SNX29: variants seen among roughly 807,000 people sequenced by gnomAD.
The protein encoded by SNX29 is sorting nexin 29.
A neutral mutation model predicts 102.1 loss-of-function variants in SNX29; 78 were observed. The ratio of observed to expected loss-of-function variants is 0.76; its 90% CI spans 0.64 to 0.92. SNX29 has a LOEUF of 0.92. Among genes scored for constraint, SNX29 ranks in the 40% least tolerant of loss-of-function variants. SNX29 has a pLI of 0.00. For synonymous variants in SNX29, 580 were observed against 414.5 expected (o/e 1.40, Z -4.85); for missense variants, 1,280 against 1,061.7 (o/e 1.21, Z -2.86).
chr16:12,532,719 C>T (rs1018159884), intron 20 of SNX29, among the ~76,000 whole-genome samples: 4 of 152,080 alleles, frequency 2.6e-5, no homozygotes, highest in Admixed American at 1.3e-4. Context: ...AAAGAGAGGG[C>T]AGGAAGAGGT....
chr16:12,548,544 C>A (rs373947710), intron 20 of SNX29, among the ~76,000 whole-genome samples: 25 of 152,304 alleles, frequency 1.6e-4, no homozygotes, highest in African/African-American at 5.8e-4. Flanking sequence ...TCTGGGAATT[C>A]CCTCTAGGGA....
At chr16:12,552,085 C>G (rs562234632) in intron 20 of SNX29, among the ~76,000 whole-genome samples, 10 of 152,340 alleles carry the variant, frequency 6.6e-5, no homozygotes, top group East Asian at 1.9e-4. Flanking sequence ...AATCACTCAA[C>G]TGTGCTATCC....
chr16:12,573,278 T>C lies in SNX29; in HGVS notation c.*4649T>C, dbSNP rs991234202. 4.4e-6 allele frequency: 1 copy of C among 227,542 alleles called. No individual in the cohort carries two copies. The highest frequency in any genetic ancestry group is 8.7e-6 in the Non-Finnish European group (1 of 114,642). The allele number at this position is 227,542 out of a possible 1,614,324, so 14.1% of individuals were successfully genotyped here. A position where few individuals can be genotyped will look rare whatever the true frequency, so the allele number is the denominator to read the frequency against. On this transcript the variant is annotated 3_prime_UTR_variant, in exon 21 of 21. Transcript: ENST00000566228. ...CAGTCATCTCTGGTATTCCTCACTCTAGCCATGAGCCATTGCCATCTTATG... is the reference window on the plus strand; with the variant it reads ...CAGTCATCTCTGGTATTCCTCACTCCAGCCATGAGCCATTGCCATCTTATG...
At chr16:11,979,379 T>C (rs2055368416) in intron 1 of SNX29, among the ~76,000 whole-genome samples, 2 of 152,008 alleles carry the variant, frequency 1.3e-5, no homozygotes, top group South Asian at 2.1e-4. Flanking sequence ...AAAACCTTCT[T>C]TTGGAAACAT....
In SNX29 at chr16:12,048,364, T is replaced by A; in HGVS notation, c.500-8T>A. ...AAGCACTCCAGACTTTTCCCTTTTT[T>A]TGGGCAGGTCTGAACTCCATACTCT... On this transcript the variant is annotated splice_polypyrimidine_tract_variant and splice_region_variant and intron_variant, in intron 6 of 20. Transcript: ENST00000566228. The A allele has an allele frequency of 2.5e-6, 4 of 1,613,860 alleles. No individual in the cohort carries two copies.
intron 15 of SNX29, among the ~76,000 whole-genome samples, chr16:12,348,178 T>C (rs1012349722): frequency 6.6e-6 from 1 of 151,994 alleles, no homozygotes; most frequent in Non-Finnish European, 1.5e-5. Flanking sequence ...GGATTTGACC[T>C]CCAGGGCCTC....
intron 15 of SNX29, among the ~76,000 whole-genome samples, chr16:12,300,874 A>G (rs1369702582): frequency 6.6e-6 from 1 of 152,094 alleles, no homozygotes; most frequent in Non-Finnish European, 1.5e-5. Flanking sequence ...ACATCTCCCT[A>G]TCCCAGTTGT....
At chr16:12,250,961 G>A (rs1442656165) in intron 14 of SNX29, among the ~76,000 whole-genome samples, 4 of 152,238 alleles carry the variant, frequency 2.6e-5, no homozygotes, top group African/African-American at 9.6e-5. Flanking sequence ...GAAGGATGGC[G>A]AAATAGACAG....
chr16:12,028,813 G>C (rs1236967910), intron 4 of SNX29, among the ~76,000 whole-genome samples: 1 of 151,958 alleles, frequency 6.6e-6, no homozygotes, highest in African/African-American at 2.4e-5. Context: ...CAATGGCACC[G>C]TCTTGGCTCA....
chr16:12,518,610 G>A (rs1186945081), intron 19 of SNX29, among the ~76,000 whole-genome samples: 1 of 152,144 alleles, frequency 6.6e-6, no homozygotes, highest in Non-Finnish European at 1.5e-5. Flanking sequence ...CTGAGCACCT[G>A]TGGGTTCCAT....
chr16:12,526,608 T>C (rs1182240915), intron 20 of SNX29: 2 of 533,048 alleles, frequency 3.8e-6, no homozygotes, highest in Non-Finnish European at 7.3e-6. Flanking sequence ...GTTCTCATCC[T>C]CTTAGCGGCA....
intron 18 of SNX29, among the ~76,000 whole-genome samples, chr16:12,473,743 T>C (rs1285239299): frequency 6.6e-6 from 1 of 152,154 alleles, no homozygotes; most frequent in Admixed American, 6.5e-5. Context: ...AAAACCAAGA[T>C]GGCTACTAGA....
At position 12,243,701 on chromosome 16, in the gene SNX29, C is replaced by T. The variant is rs190439337; in HGVS notation, c.1679-34232C>T. Among the ~76,000 whole-genome samples the T allele has an allele frequency of 7.9e-4, 120 of 152,220 alleles. 6 individuals carry two copies. In the South Asian group the frequency reaches 0.021, roughly 27 times the overall value. On this transcript the variant is annotated intron_variant, in intron 14 of 20. Transcript: ENST00000566228. ...GCTTCAGGTCCATCCATTTAGAAGA[C>T]ATCAGAGGCTGGATTGCAGGCCTGG...
chr16:12,064,356 G>A (rs1567174174), intron 9 of SNX29, among the ~76,000 whole-genome samples: 1 of 152,208 alleles, frequency 6.6e-6, no homozygotes, highest in Non-Finnish European at 1.5e-5. Context: ...TCCAGGGAAC[G>A]TAGCTCCCCA....
rs918952591 is a variant in SNX29, at chr16:12,168,928, G to A, written c.1596-30673G>A. Among the ~76,000 whole-genome samples the A allele has an allele frequency of 3.9e-5, 6 of 152,272 alleles. No homozygotes were observed. The East Asian group carries it at 1.2e-3, about 29-fold the overall frequency. ...GGCAGAACCTTGGCACCTGGGTTGT[G>A]GGGTGAGGAGGGTGGTGGTCCCCTT... On this transcript the variant is annotated intron_variant, in intron 13 of 20. Coordinates refer to ENST00000566228, the MANE Select transcript of SNX29 (RefSeq NM_032167.5).
At chr16:12,544,647 A>AC (rs2077503243) in intron 20 of SNX29, among the ~76,000 whole-genome samples, 2 of 152,192 alleles carry the variant, frequency 1.3e-5, no homozygotes, top group African/African-American at 4.8e-5. Context: ...TTCATGTCAG[A>AC]CTGTTTACTT....
intron 20 of SNX29, among the ~76,000 whole-genome samples, chr16:12,543,605 T>A (rs2077444960): frequency 6.6e-6 from 1 of 152,172 alleles, no homozygotes; most frequent in Admixed American, 6.5e-5. Flanking sequence ...TCCTCCCCGA[T>A]GGAGTGGGCA....
intron 15 of SNX29, among the ~76,000 whole-genome samples, chr16:12,347,750 A>G (rs1480944463): frequency 1.3e-5 from 2 of 152,060 alleles, no homozygotes; most frequent in African/African-American, 4.8e-5. Flanking sequence ...AACCTGTACA[A>G]TAGGTGACAA....
chr16:12,565,567 A>G (rs1211691546), intron 20 of SNX29, among the ~76,000 whole-genome samples: 1 of 151,894 alleles, frequency 6.6e-6, no homozygotes, highest in East Asian at 1.9e-4. Context: ...ACAGAAGCCT[A>G]CTGTCACACC....
Sources: allele counts gnomAD v4.1 joint callset (sites outside exome capture counted in the v4.1 genomes callset), GRCh38; gene constraint gnomAD v4.1.1; transcripts MANE v1.5; gene names NCBI Gene and HGNC (gene_info 2026-07-23, HGNC 2026-07-21).